The following FSTL5 variants were observed in gnomAD, a reference collection of about 807,000 sequenced individuals.
The protein encoded by FSTL5 is follistatin like 5.
Under a neutral mutation model 89.1 loss-of-function variants are expected in FSTL5, and 62 were observed. The ratio of observed to expected loss-of-function variants is 0.70; its 90% CI spans 0.57 to 0.86. FSTL5 has a LOEUF of 0.86. Among genes scored for constraint, FSTL5 ranks in the 40% least tolerant of loss-of-function variants. The pLI is 0.00. For synonymous variants in FSTL5, 383 were observed against 346.2 expected (o/e 1.11, Z -1.18); for missense variants, 1,057 against 1,001.6 (o/e 1.06, Z -0.75).
At chr4:161,415,171 A>G (rs1731727114) in intron 15 of FSTL5, among the ~76,000 whole-genome samples, 1 of 152,210 alleles carries the variant, frequency 6.6e-6, no homozygotes. Flanking sequence ...CTGAGAAAAT[A>G]AGATACATAA....
intron 13 of FSTL5, among the ~76,000 whole-genome samples, chr4:161,468,547 A>C (rs1733827870): frequency 1.3e-5 from 2 of 152,190 alleles, no homozygotes; most frequent in Admixed American, 6.5e-5. Flanking sequence ...TGTGGAAAGA[A>C]AAAATGGGAA....
intron 15 of FSTL5, among the ~76,000 whole-genome samples, chr4:161,392,778 A>C (rs1730864253): frequency 6.6e-6 from 1 of 152,186 alleles, no homozygotes; most frequent in African/African-American, 2.4e-5. Flanking sequence ...AATGGGTCAG[A>C]GGTGGCATAG....
In FSTL5 at chr4:161,976,033, G is replaced by A. The variant is rs13125651; in HGVS notation, c.161-55381C>T. 1.2e-4 allele frequency among the ~76,000 whole-genome samples: 18 copies of A among 149,502 alleles called. No individual in the cohort carries two copies. In the South Asian group the frequency reaches 1.7e-3, roughly 14 times the overall value. ...CTCGGGAGGCTGAGGCAGGAGAATC[G>A]CGTGAACTCGGCAGGCGGATCTTGC... is the stretch of plus-strand genomic sequence containing the variant. On this transcript the variant is annotated intron_variant, in intron 3 of 15. Transcript: ENST00000306100.
At chr4:161,508,585 C>T (rs969715910) in intron 11 of FSTL5, among the ~76,000 whole-genome samples, 9 of 151,964 alleles carry the variant, frequency 5.9e-5, no homozygotes, top group Non-Finnish European at 8.8e-5. Context: ...AGAAAATAAT[C>T]TGGATTTATA....
chr4:162,080,697 T>C (rs1730058613), intron 2 of FSTL5, among the ~76,000 whole-genome samples: 1 of 151,672 alleles, frequency 6.6e-6, no homozygotes, highest in Non-Finnish European at 1.5e-5. Flanking sequence ...TCAGTTTGAG[T>C]ATCAATATTT....
At chr4:162,087,275 C>T (rs901328146) in intron 2 of FSTL5, among the ~76,000 whole-genome samples, 1 of 152,016 alleles carries the variant, frequency 6.6e-6, no homozygotes, top group Non-Finnish European at 1.5e-5. Flanking sequence ...AAGGTTACTT[C>T]AATTAATGAA....
At chr4:161,984,940 C>G (rs1172490029) in intron 3 of FSTL5, among the ~76,000 whole-genome samples, 2 of 151,566 alleles carry the variant, frequency 1.3e-5, no homozygotes, top group South Asian at 4.2e-4. Context: ...TGCTCTCTCT[C>G]GAACATATTA....
intron 6 of FSTL5, among the ~76,000 whole-genome samples, chr4:161,667,299 GA>G (rs1264159138): frequency 6.6e-6 from 1 of 152,022 alleles, no homozygotes; most frequent in African/African-American, 2.4e-5. Flanking sequence ...ACACAACTTG[GA>G]AAACAATTCT....
At chr4:161,652,529 G>T (rs966457448) in intron 7 of FSTL5, among the ~76,000 whole-genome samples, 3 of 151,858 alleles carry the variant, frequency 2.0e-5, no homozygotes, top group African/African-American at 7.3e-5. Flanking sequence ...AGATAATGAG[G>T]TAATGAGATC....
At chr4:161,527,347 G>C (rs1412799014) in intron 10 of FSTL5, among the ~76,000 whole-genome samples, 1 of 152,092 alleles carries the variant, frequency 6.6e-6, no homozygotes, top group Non-Finnish European at 1.5e-5. Flanking sequence ...TACCATCAGA[G>C]TGAACAGGCA....
In FSTL5 at chr4:161,521,803, C is replaced by G. The variant is rs547762094; in HGVS notation, c.1313-11379G>C. On this transcript the variant is annotated intron_variant, in intron 10 of 15. Coordinates refer to ENST00000306100, the MANE Select transcript of FSTL5 (RefSeq NM_020116.5). ...GGCGGAGGTTGCAGTGAGCCGAGAT[C>G]GCGCCACTGCACTCCAGCCTGGATG... Among the ~76,000 whole-genome samples, 302 of 139,258 alleles carry G rather than the reference C, an allele frequency of 2.2e-3. 3 individuals are homozygous for G. Among genetic ancestry groups the G allele is most frequent in the Middle Eastern group, 3.9e-3 (1 of 256 alleles). The allele number at this position is 139,258 out of a possible 152,430, so 91.4% of individuals were successfully genotyped here.
At chr4:161,689,591 G>A (rs914955667) in intron 6 of FSTL5, among the ~76,000 whole-genome samples, 1 of 151,800 alleles carries the variant, frequency 6.6e-6, no homozygotes, top group Admixed American at 6.6e-5. Context: ...TTACACTTGC[G>A]GCTTGCAGTA....
chr4:161,449,518 T>C (rs1733077997), intron 15 of FSTL5, among the ~76,000 whole-genome samples: 1 of 152,136 alleles, frequency 6.6e-6, no homozygotes. Context: ...TGCCTTCTCT[T>C]ATTACTCACA....
chr4:161,437,564 T>TTAAAAAA (rs1553986225), intron 15 of FSTL5, among the ~76,000 whole-genome samples: 1 of 25,034 alleles, frequency 4.0e-5, no homozygotes, highest in Non-Finnish European at 6.9e-5. Flanking sequence ...AGACTCCGTC[T>TTAAAAAA]CAAAAAAAAA....
chr4:161,693,636 C>CTTT (rs5863476), intron 6 of FSTL5, among the ~76,000 whole-genome samples: 2,643 of 105,272 alleles, frequency 0.025, 189 homozygotes, highest in African/African-American at 0.034. Context: ...TCTTGTAAAT[C>CTTT]TTTTTTTTTT....
At chr4:161,960,017 T>A (rs1265698295) in intron 3 of FSTL5, among the ~76,000 whole-genome samples, 1 of 152,106 alleles carries the variant, frequency 6.6e-6, no homozygotes, top group African/African-American at 2.4e-5. Flanking sequence ...CAAAATAAGG[T>A]AGATACATGC....
intron 7 of FSTL5, among the ~76,000 whole-genome samples, chr4:161,647,262 T>C (rs1453366601): frequency 6.6e-6 from 1 of 152,196 alleles, no homozygotes; most frequent in Non-Finnish European, 1.5e-5. Context: ...AGATGATACT[T>C]TCTCCACTGT....
At chr4:161,514,407 AAG>A (rs1157771514) in intron 10 of FSTL5, among the ~76,000 whole-genome samples, 1 of 152,148 alleles carries the variant, frequency 6.6e-6, no homozygotes, top group Non-Finnish European at 1.5e-5. Context: ...ACTTACAAGT[AAG>A]AGCTAGAAAA....
intron 3 of FSTL5, among the ~76,000 whole-genome samples, chr4:161,961,997 T>C (rs1404122465): frequency 6.6e-6 from 1 of 151,906 alleles, no homozygotes; most frequent in African/African-American, 2.4e-5. Context: ...TGCAAATATA[T>C]TATGTGTTGA....
Sources: gnomAD v4.1 joint callset for allele counts (sites outside exome capture counted in the v4.1 genomes callset) on GRCh38, gnomAD v4.1.1 for gene constraint, MANE v1.5 for transcripts, NCBI Gene and HGNC (gene_info 2026-07-23, HGNC 2026-07-21) for gene names.